DLC1: variants seen among roughly 807,000 people sequenced by gnomAD.
DLC1 encodes the protein rho GTPase-activating protein 7.
In DLC1, 54 loss-of-function variants were observed where a neutral mutation model predicts 140.3. That is an observed-to-expected ratio of 0.38 (90% CI 0.31 to 0.48). The LOEUF (loss-of-function observed/expected upper bound fraction) is 0.48, where lower values mean the gene tolerates loss of function less well. Ranked by LOEUF, DLC1 falls within the 20% of genes least tolerant of loss-of-function variation. DLC1 has a pLI of 0.96. For synonymous variants in DLC1, 986 were observed against 728.1 expected (o/e 1.35, Z -5.70); for missense variants, 2,536 against 1,907.0 (o/e 1.33, Z -6.14).
intron 5 of DLC1, chr8:13,133,095 C>G (rs1006421524): frequency 3.3e-6 from 5 of 1,505,186 alleles, no homozygotes; most frequent in Admixed American, 2.3e-5. Flanking sequence ...TCGCGGTCCT[C>G]AACGCATCCT....
chr8:13,390,160 G>A (rs967350002), intron 4 of DLC1, among the ~76,000 whole-genome samples: 6 of 152,134 alleles, frequency 3.9e-5, no homozygotes, highest in African/African-American at 1.4e-4. Context: ...CTTTTGAACT[G>A]TAGTGAAAAG....
upstream of DLC1, among the ~76,000 whole-genome samples, chr8:13,516,996 G>T (rs1802609280): frequency 1.3e-5 from 2 of 152,154 alleles, no homozygotes; most frequent in African/African-American, 4.8e-5. Context: ...AAATTGGGAA[G>T]ACTTCTTAAA....
intron 2 of DLC1, among the ~76,000 whole-genome samples, chr8:13,425,255 T>C (rs1023918978): frequency 6.6e-6 from 1 of 152,120 alleles, no homozygotes; most frequent in Non-Finnish European, 1.5e-5. Context: ...TCTAGAAAAT[T>C]AACCACATGT....
intron 5 of DLC1, among the ~76,000 whole-genome samples, chr8:13,274,044 C>T (rs1034087401): frequency 2.0e-5 from 3 of 152,162 alleles, no homozygotes; most frequent in Non-Finnish European, 4.4e-5. Context: ...CTTTCTACTG[C>T]CCTCCATTCT....
chr8:13,212,929 G>A (rs1828015696), intron 5 of DLC1, among the ~76,000 whole-genome samples: 1 of 152,108 alleles, frequency 6.6e-6, no homozygotes, highest in Non-Finnish European at 1.5e-5. Flanking sequence ...CTTTACTGAA[G>A]GGCGCCGTTT....
At chr8:13,563,210 G>T (rs1272033861) in intron 1 of DLC1, among the ~76,000 whole-genome samples, 1 of 152,076 alleles carries the variant, frequency 6.6e-6, no homozygotes, top group East Asian at 1.9e-4. Flanking sequence ...GACCTTGTTT[G>T]GATCCTGATT....
At chr8:13,552,111 G>GTGTGTGTGTATATATATATATA (rs1279225632) in intron 1 of DLC1, among the ~76,000 whole-genome samples, 21 of 54,524 alleles carry the variant, frequency 3.9e-4, no homozygotes, top group African/African-American at 1.6e-3. Context: ...GTCTAGAGGT[G>GTGTGTGTGTATATATATATATA]TATATATATA....
At chr8:13,183,758 G>C (rs938222981) in intron 5 of DLC1, among the ~76,000 whole-genome samples, 1 of 152,176 alleles carries the variant, frequency 6.6e-6, no homozygotes, top group African/African-American at 2.4e-5. Flanking sequence ...GTTCATCAGG[G>C]ATATTGGTCT....
chr8:13,471,553 T>C (rs957413824), intron 2 of DLC1, among the ~76,000 whole-genome samples: 1 of 144,790 alleles, frequency 6.9e-6, no homozygotes, highest in African/African-American at 2.6e-5. Flanking sequence ...GAGGGAAAAA[T>C]AGAAAGAGAA....
chr8:13,253,364 G>T (rs941967513), intron 5 of DLC1, among the ~76,000 whole-genome samples: 1 of 152,124 alleles, frequency 6.6e-6, no homozygotes, highest in South Asian at 2.1e-4. Flanking sequence ...CTCGTTCATT[G>T]TGAGAGGACT....
intron 5 of DLC1, among the ~76,000 whole-genome samples, chr8:13,148,244 C>T (rs1823574589): frequency 2.6e-5 from 4 of 151,990 alleles, no homozygotes; most frequent in Admixed American, 2.6e-4. Flanking sequence ...GAATTAAGTC[C>T]AGTACCCAAT....
At chr8:13,134,814 A>C (rs1822429770) in intron 5 of DLC1, among the ~76,000 whole-genome samples, 1 of 152,142 alleles carries the variant, frequency 6.6e-6, no homozygotes, top group Non-Finnish European at 1.5e-5. Flanking sequence ...ATAAATAAAT[A>C]AGCTAACTTC....
At chr8:13,240,923 A>G (rs980185919) in intron 5 of DLC1, among the ~76,000 whole-genome samples, 1 of 152,200 alleles carries the variant, frequency 6.6e-6, no homozygotes, top group Non-Finnish European at 1.5e-5. Context: ...TTTGGACACT[A>G]TTTGGCTCTC....
At chr8:13,164,580 C>T (rs916164989) in intron 5 of DLC1, among the ~76,000 whole-genome samples, 2 of 152,144 alleles carry the variant, frequency 1.3e-5, no homozygotes, top group Non-Finnish European at 2.9e-5. Context: ...TCTATATGAG[C>T]ATATCAACAT....
chr8:13,090,809 C>CTTTTTTTTTTTTTTTTTT (rs34506663), intron 14 of DLC1, among the ~76,000 whole-genome samples: 1 of 140,660 alleles, frequency 7.1e-6, no homozygotes, highest in Non-Finnish European at 1.5e-5. Flanking sequence ...TTCTTTCTTT[C>CTTTTTTTTTTTTTTTTTT]TTTTTTTTTT....
At chr8:13,479,070 C>A (rs1800566003) in intron 2 of DLC1, among the ~76,000 whole-genome samples, 1 of 152,188 alleles carries the variant, frequency 6.6e-6, no homozygotes, top group South Asian at 2.1e-4. Context: ...TTAGTTCATT[C>A]CACCCCTTAG....
At chr8:13,101,851 C>T (rs1056308508) in intron 8 of DLC1, among the ~76,000 whole-genome samples, 4 of 152,172 alleles carry the variant, frequency 2.6e-5, no homozygotes, top group African/African-American at 4.8e-5. Flanking sequence ...AGCTGTCACA[C>T]GGACTATTGC....
chr8:13,505,447 C>A (rs964808605), intron 1 of DLC1, among the ~76,000 whole-genome samples: 2 of 152,010 alleles, frequency 1.3e-5, no homozygotes, highest in Non-Finnish European at 2.9e-5. Flanking sequence ...ATATTGTGTG[C>A]CATTTGCTAA....
At chr8:13,361,546 G>A (rs1158616540) in intron 4 of DLC1, among the ~76,000 whole-genome samples, 4 of 152,000 alleles carry the variant, frequency 2.6e-5, no homozygotes. Flanking sequence ...GATTACAGGG[G>A]TGAGCCACCA....
Sources: allele counts gnomAD v4.1 joint callset (sites outside exome capture counted in the v4.1 genomes callset), GRCh38; gene constraint gnomAD v4.1.1; transcripts MANE v1.5; gene names NCBI Gene and HGNC (gene_info 2026-07-23, HGNC 2026-07-21).